Variants in MTHFD2L observed in about 807,000 individuals in gnomAD.
MTHFD2L encodes methylenetetrahydrofolate dehydrogenase (NADP+ dependent) 2 like.
Under a neutral mutation model 34.9 loss-of-function variants are expected in MTHFD2L, and 29 were observed. The ratio of observed to expected loss-of-function variants is 0.83; its 90% CI spans 0.62 to 1.13. The LOEUF is 1.13. MTHFD2L is among the 50% of genes most tolerant of loss of function. The pLI, the probability that MTHFD2L is intolerant of heterozygous loss-of-function variation, is 0.00. For synonymous variants in MTHFD2L, 167 were observed against 155.7 expected (o/e 1.07, Z -0.54); for missense variants, 481 against 446.5 (o/e 1.08, Z -0.70).
At chr4:74,148,854 T>C (rs1723765129) in intron 1 of MTHFD2L, among the ~76,000 whole-genome samples, 1 of 151,770 alleles carries the variant, frequency 6.6e-6, no homozygotes, top group Non-Finnish European at 1.5e-5. Context: ...TACATTTAGA[T>C]TTATCCCATT....
chr4:74,264,586 G>T (rs974303882), intron 6 of MTHFD2L, among the ~76,000 whole-genome samples: 4 of 151,906 alleles, frequency 2.6e-5, no homozygotes, highest in Admixed American at 6.6e-5. Context: ...CACTTAGTAA[G>T]AGATAAGAAT....
intron 1 of MTHFD2L, among the ~76,000 whole-genome samples, chr4:74,163,676 A>G (rs567378275): frequency 5.1e-4 from 77 of 152,168 alleles, no homozygotes; most frequent in Non-Finnish European, 8.4e-4. Flanking sequence ...ACACACTTCA[A>G]AAGACTCCCT....
chr4:74,153,869 A>G (rs760039564), upstream of MTHFD2L, among the ~76,000 whole-genome samples: 1 of 152,190 alleles, frequency 6.6e-6, no homozygotes, highest in Non-Finnish European at 1.5e-5. Context: ...ATCTTACATT[A>G]TATGATAAAA....
chr4:74,128,549 GTTCTCTA>G (rs1326632820), intron 1 of MTHFD2L, among the ~76,000 whole-genome samples: 1 of 151,892 alleles, frequency 6.6e-6, no homozygotes, highest in African/African-American at 2.4e-5. Flanking sequence ...TGATATCTGG[GTTCTCTA>G]TTCTATTCCA....
chr4:74,200,319 A>G (rs894961153), intron 4 of MTHFD2L, among the ~76,000 whole-genome samples: 1 of 152,036 alleles, frequency 6.6e-6, no homozygotes, highest in African/African-American at 2.4e-5. Context: ...CTCAAAAACA[A>G]AACAAAACAA....
In MTHFD2L at chr4:74,199,953, A is replaced by G. The variant is rs1291681704; in HGVS notation, c.604+7A>G. 1 of 1,613,708 alleles carries G rather than the reference A, an allele frequency of 6.2e-7. No individual in the cohort carries two copies. The highest frequency in any genetic ancestry group is 8.5e-7 in the Non-Finnish European group (1 of 1,179,880). On this transcript the variant is annotated splice_region_variant and intron_variant, in intron 4 of 7. Coordinates refer to ENST00000325278, the MANE Select transcript of MTHFD2L (RefSeq NM_001144978.3). ...GAAATAATAAAAAGAACAGGTTGGT[A>G]ATTTGTGGTCTGCAGGACATGGATG... is the stretch of plus-strand genomic sequence containing the variant.
At chr4:74,165,746 A>G (rs1483360070) in intron 1 of MTHFD2L, among the ~76,000 whole-genome samples, 1 of 152,232 alleles carries the variant, frequency 6.6e-6, no homozygotes, top group Non-Finnish European at 1.5e-5. Context: ...TTTTAGTTTT[A>G]AAGGTACTGT....
At chr4:74,213,329 G>A (rs923956094) in intron 5 of MTHFD2L, among the ~76,000 whole-genome samples, 2 of 152,074 alleles carry the variant, frequency 1.3e-5, no homozygotes, top group African/African-American at 4.8e-5. Context: ...TTTGCAGTGG[G>A]TGATATCAGT....
In MTHFD2L at chr4:74,225,291, C is replaced by T; in HGVS notation, c.713-11C>T. 6.2e-7 allele frequency: 1 copy of T among 1,601,278 alleles called. No homozygotes were observed. Among genetic ancestry groups the T allele is most frequent in the Non-Finnish European group, 8.5e-7 (1 of 1,172,600 alleles). ...TCAGTAATCACTGATAGAAATTCTT[C>T]TGTATTCCAGGTGATGCAACTGTGA... On this transcript the variant is annotated splice_polypyrimidine_tract_variant and intron_variant, in intron 5 of 7. Coordinates refer to ENST00000325278, the MANE Select transcript of MTHFD2L (RefSeq NM_001144978.3).
At chr4:74,234,458 A>G (rs1477198440) in intron 6 of MTHFD2L, among the ~76,000 whole-genome samples, 3 of 151,978 alleles carry the variant, frequency 2.0e-5, no homozygotes, top group Admixed American at 6.6e-5. Flanking sequence ...ATAATACTCA[A>G]TTGCTGAGTA....
chr4:74,199,275 G>T (rs1251237013), intron 3 of MTHFD2L, among the ~76,000 whole-genome samples: 1 of 152,096 alleles, frequency 6.6e-6, no homozygotes, highest in Admixed American at 6.6e-5. Flanking sequence ...AAAGATGTGT[G>T]TGTGTGCGTG....
At chr4:74,191,086 A>G (rs2110021002) in intron 3 of MTHFD2L, among the ~76,000 whole-genome samples, 1 of 152,196 alleles carries the variant, frequency 6.6e-6, no homozygotes, top group Admixed American at 6.5e-5. Context: ...TTTTTACTAG[A>G]GATGGGGTTT....
chr4:74,278,327 C>A (rs900528854), intron 6 of MTHFD2L, among the ~76,000 whole-genome samples: 1 of 152,108 alleles, frequency 6.6e-6, no homozygotes, highest in East Asian at 1.9e-4. Flanking sequence ...TCAAGTACAG[C>A]ACTTCATGAG....
At chr4:74,164,949 C>T in intron 1 of MTHFD2L, 1 of 985,016 alleles carries the variant, frequency 1.0e-6, no homozygotes, top group South Asian at 4.7e-5. Context: ...GGGAAACCAC[C>T]TGAGCAAGTA....
chr4:74,171,004 G>A (rs1243022424), intron 1 of MTHFD2L, among the ~76,000 whole-genome samples: 1 of 150,570 alleles, frequency 6.6e-6, no homozygotes, highest in East Asian at 2.0e-4. Context: ...GGGAGGGATA[G>A]CATTAGGAGA....
chr4:74,155,751 G>A (rs1486619499), upstream of MTHFD2L, among the ~76,000 whole-genome samples: 3 of 151,860 alleles, frequency 2.0e-5, no homozygotes, highest in East Asian at 3.9e-4. Context: ...GAGGTAGCAT[G>A]GATTCACCCC....
At chr4:74,120,528 G>T (rs1721736379), upstream of MTHFD2L, among the ~76,000 whole-genome samples, 1 of 152,312 alleles carries the variant, frequency 6.6e-6, no homozygotes, top group African/African-American at 2.4e-5. Flanking sequence ...TGACTGGACA[G>T]CTTTCTGGTT....
At chr4:74,185,393 G>C (rs1731013580) in intron 3 of MTHFD2L, among the ~76,000 whole-genome samples, 1 of 151,856 alleles carries the variant, frequency 6.6e-6, no homozygotes, top group Non-Finnish European at 1.5e-5. Context: ...TCAGAAATCA[G>C]TAATCTCATC....
intron 6 of MTHFD2L, chr4:74,280,364 A>G (rs1747281258): frequency 1.3e-5 from 2 of 152,134 alleles, no homozygotes; most frequent in Non-Finnish European, 2.9e-5. Flanking sequence ...ACCAAGCCCC[A>G]TGAAGAGTTC....
Sources: gnomAD v4.1 joint callset for allele counts (sites outside exome capture counted in the v4.1 genomes callset) on GRCh38, gnomAD v4.1.1 for gene constraint, MANE v1.5 for transcripts, NCBI Gene and HGNC (gene_info 2026-07-23, HGNC 2026-07-21) for gene names.